The following MACC1 variants were observed in gnomAD, a reference collection of about 807,000 sequenced individuals.
MACC1 encodes metastasis-associated in colon cancer protein 1.
Under a neutral mutation model 70.7 loss-of-function variants are expected in MACC1, and 79 were observed. The ratio of observed to expected loss-of-function variants is 1.12; its 90% confidence interval spans 0.93 to 1.35. The LOEUF (loss-of-function observed/expected upper bound fraction) is 1.35, where lower values mean the gene tolerates loss of function less well. Ranked by LOEUF, MACC1 falls within the 40% of genes most tolerant of loss-of-function variation. MACC1 has a pLI of 0.00. For synonymous variants in MACC1, 361 were observed against 347.2 expected (o/e 1.04, Z -0.44); for missense variants, 1,106 against 978.1 (o/e 1.13, Z -1.74).
At chr7:20,189,177 A>AT (rs918206556) in intron 1 of MACC1, among the ~76,000 whole-genome samples, 16 of 152,120 alleles carry the variant, frequency 1.1e-4, no homozygotes, top group African/African-American at 3.1e-4. Flanking sequence ...TGGCCTCCTT[A>AT]TTTTTTAAAA....
chr7:20,152,971 T>C (rs1782002811), intron 6 of MACC1, among the ~76,000 whole-genome samples: 1 of 152,220 alleles, frequency 6.6e-6, no homozygotes, highest in African/African-American at 2.4e-5. Context: ...CTTAAAGGCT[T>C]CCTATCTTTC....
rs1781725912 is a variant in MACC1, at chr7:20,136,896, A to G, written c.*4050T>C. On this transcript the variant is annotated 3_prime_UTR_variant, in exon 7 of 7. Transcript: ENST00000400331. ...ATTATTAATTATAATATTAAATTAT[A>G]TTATTAATTCTTAAAGATTATTAAT... The G allele has an allele frequency of 7.1e-6, 1 of 140,780 alleles. No homozygotes were observed. Among genetic ancestry groups the G allele is most frequent in the African/African-American group, 2.5e-5 (1 of 40,506 alleles). The allele number at this position is 140,780 out of a possible 1,614,324, so 8.7% of individuals were successfully genotyped here.
chr7:20,182,025 G>C (rs997873154), intron 1 of MACC1, among the ~76,000 whole-genome samples: 4 of 151,910 alleles, frequency 2.6e-5, no homozygotes, highest in African/African-American at 4.8e-5. Context: ...AAAAGGATGA[G>C]TTCATGTCCT....
At chr7:20,194,437 A>G (rs549312491) in intron 1 of MACC1, among the ~76,000 whole-genome samples, 36 of 152,196 alleles carry the variant, frequency 2.4e-4, no homozygotes, top group Non-Finnish European at 4.4e-4. Flanking sequence ...TTAGAAAGAA[A>G]CACACGAAGA....
At chr7:20,166,805 C>A (rs993357879) in intron 2 of MACC1, among the ~76,000 whole-genome samples, 1 of 152,186 alleles carries the variant, frequency 6.6e-6, no homozygotes, top group Non-Finnish European at 1.5e-5. Flanking sequence ...TCACTTCTTT[C>A]TATCTTATTA....
intron 1 of MACC1, among the ~76,000 whole-genome samples, chr7:20,197,463 A>G (rs1035892820): frequency 2.0e-5 from 3 of 152,206 alleles, no homozygotes; most frequent in African/African-American, 7.2e-5. Context: ...ATTTTGTGGA[A>G]TCTTAGTGAC....
At chr7:20,189,793 AAG>A (rs533968483) in intron 1 of MACC1, among the ~76,000 whole-genome samples, 18 of 151,282 alleles carry the variant, frequency 1.2e-4, no homozygotes, top group South Asian at 1.0e-3. Context: ...AGAGAGAAAA[AAG>A]AGAGAGAGAG....
intron 6 of MACC1, among the ~76,000 whole-genome samples, chr7:20,143,429 C>T (rs1781837320): frequency 6.6e-6 from 1 of 152,156 alleles, no homozygotes; most frequent in African/African-American, 2.4e-5. Context: ...GGCTCTGTCG[C>T]CCAGGCTGGA....
chr7:20,176,853 C>A (rs1264433449), intron 1 of MACC1, among the ~76,000 whole-genome samples: 1 of 152,138 alleles, frequency 6.6e-6, no homozygotes, highest in Non-Finnish European at 1.5e-5. Flanking sequence ...ACATGACATA[C>A]TCTAAATGAT....
rs1353456058 is a variant in MACC1, at chr7:20,217,311, G to A, written c.-230C>T. 2.0e-5 allele frequency: 3 copies of A among 152,218 alleles called. No individual in the cohort carries two copies. Among genetic ancestry groups the A allele is most frequent in the African/African-American group, 7.2e-5 (3 of 41,448 alleles). The allele number at this position is 152,218 out of a possible 1,614,324, so 9.4% of individuals were successfully genotyped here. A position where few individuals can be genotyped will look rare whatever the true frequency, so the allele number is the denominator to read the frequency against. The stretch of plus-strand genomic sequence containing the variant: ...AATCAGCACTTACATTTGTGGAAGT[G>A]AGCCCAAGCTTCTTCAGTTCAGACA... On this transcript the variant is annotated 5_prime_UTR_variant, in exon 1 of 7. Transcript: ENST00000400331.
At chr7:20,149,091 C>G (rs757864697) in intron 6 of MACC1, among the ~76,000 whole-genome samples, 1 of 152,026 alleles carries the variant, frequency 6.6e-6, no homozygotes, top group African/African-American at 2.4e-5. Flanking sequence ...TTAACTTTTG[C>G]GAGAGATAAT....
chr7:20,191,454 C>T (rs888706755), intron 1 of MACC1, among the ~76,000 whole-genome samples: 2 of 146,508 alleles, frequency 1.4e-5, no homozygotes, highest in Non-Finnish European at 1.5e-5. Flanking sequence ...CCTGGCCCTA[C>T]GTAGCTGGCG....
chr7:20,163,210 A>G (rs1638875822), intron 3 of MACC1, among the ~76,000 whole-genome samples: 1 of 152,192 alleles, frequency 6.6e-6, no homozygotes, highest in Admixed American at 6.5e-5. Flanking sequence ...AAAACGCAAA[A>G]TGAAACCCCA....
chr7:20,145,838 A>G (rs1781882321), intron 6 of MACC1, among the ~76,000 whole-genome samples: 1 of 152,158 alleles, frequency 6.6e-6, no homozygotes, highest in Non-Finnish European at 1.5e-5. Flanking sequence ...AAAATATTAA[A>G]TTGGGGGAAC....
chr7:20,155,929 C>T (rs1220415192), intron 5 of MACC1, among the ~76,000 whole-genome samples: 2 of 152,158 alleles, frequency 1.3e-5, no homozygotes, highest in Non-Finnish European at 1.5e-5. Context: ...AATCCAGCTC[C>T]ACATAGTATA....
intron 1 of MACC1, among the ~76,000 whole-genome samples, chr7:20,193,185 T>C (rs1343046944): frequency 6.6e-6 from 1 of 152,182 alleles, no homozygotes; most frequent in Non-Finnish European, 1.5e-5. Flanking sequence ...TATAAAACTC[T>C]TTATCAGAGA....
At chr7:20,192,006 C>T (rs1003771126) in intron 1 of MACC1, among the ~76,000 whole-genome samples, 18 of 151,856 alleles carry the variant, frequency 1.2e-4, no homozygotes, top group African/African-American at 3.1e-4. Context: ...TAAGATAATA[C>T]GATGAAGGAT....
intron 2 of MACC1, among the ~76,000 whole-genome samples, chr7:20,165,151 C>T (rs1170050028): frequency 1.3e-5 from 2 of 152,142 alleles, no homozygotes; most frequent in African/African-American, 4.8e-5. Flanking sequence ...TCAAGCAGGT[C>T]TTCACTGTCC....
At chr7:20,173,564 G>C (rs993340778) in intron 1 of MACC1, among the ~76,000 whole-genome samples, 57 of 152,160 alleles carry the variant, frequency 3.7e-4, no homozygotes, top group Non-Finnish European at 1.5e-5. Context: ...GGTTGCCTTT[G>C]GCATAAGTCC....
Sources: allele counts gnomAD v4.1 joint callset (sites outside exome capture counted in the v4.1 genomes callset), GRCh38; gene constraint gnomAD v4.1.1; transcripts MANE v1.5; gene names NCBI Gene and HGNC (gene_info 2026-07-23, HGNC 2026-07-21).